SLC1A1: variants seen among roughly 807,000 people sequenced by gnomAD.
The protein encoded by SLC1A1 is solute carrier family 1 member 1, also known as excitatory amino acid transporter 3.
Under a neutral mutation model 53.3 loss-of-function variants are expected in SLC1A1, and 43 were observed. The ratio of observed to expected loss-of-function variants is 0.81; its 90% CI spans 0.63 to 1.04. SLC1A1 has a LOEUF of 1.04. Ranked by LOEUF, SLC1A1 falls within the 50% of genes least tolerant of loss-of-function variation. The pLI, the probability that SLC1A1 is intolerant of heterozygous loss-of-function variation, is 0.00. For synonymous variants in SLC1A1, 307 were observed against 243.2 expected (o/e 1.26, Z -2.44); for missense variants, 748 against 664.9 (o/e 1.12, Z -1.37).
Position 4,564,437 on chromosome 9 carries a change from A to G in SLC1A1, c.419A>G (p.Asp140Gly). 2 of 1,611,724 alleles carry G rather than the reference A, an allele frequency of 1.2e-6. No individual in the cohort carries two copies. The highest frequency in any genetic ancestry group is 1.7e-6 in the Non-Finnish European group (2 of 1,178,254). Residue 140 changes from aspartate (D) to glycine (G), a missense_variant, in exon 4 of 12, where the codon GAT becomes GGT. Asp to Gly is a moderately conservative substitution (Grantham distance 94, BLOSUM62 -1). Transcript: ENST00000262352. ...AGCACCCCTGAAGTCAGTACGGTGG[A>G]TGCCATGTTAGATCTCATCAGGTGA... is the stretch of plus-strand genomic sequence containing the variant. ...TGSTPEVSTV[D>G]AMLDLIRNMF...
intron 1 of SLC1A1, among the ~76,000 whole-genome samples, chr9:4,540,438 A>G (rs979201335): frequency 2.0e-5 from 3 of 152,190 alleles, no homozygotes; most frequent in African/African-American, 7.2e-5. Context: ...TGTCTCATGC[A>G]AAAAGGCAGA....
At chr9:4,521,452 A>G (rs895963210) in intron 1 of SLC1A1, among the ~76,000 whole-genome samples, 1 of 152,176 alleles carries the variant, frequency 6.6e-6, no homozygotes, top group Non-Finnish European at 1.5e-5. Flanking sequence ...CACATCTGGT[A>G]TAGTAGAAAG....
chr9:4,506,252 C>T (rs980531481), intron 1 of SLC1A1, among the ~76,000 whole-genome samples: 6 of 152,182 alleles, frequency 3.9e-5, no homozygotes, highest in Non-Finnish European at 2.9e-5. Flanking sequence ...CCATCATGCC[C>T]GGCCAAATTA....
At chr9:4,561,861 C>T (rs1459121618) in intron 3 of SLC1A1, among the ~76,000 whole-genome samples, 1 of 152,030 alleles carries the variant, frequency 6.6e-6, no homozygotes, top group Non-Finnish European at 1.5e-5. Flanking sequence ...TTTGACAATA[C>T]TACTTTCTGA....
Position 4,583,880 on chromosome 9 carries a change from T to TCTCTCTCTCTCA in SLC1A1, c.1328+711_1328+712insTCTCTCTCACTC. Among the ~76,000 whole-genome samples, 1 of 131,662 alleles carries TCTCTCTCTCTCA rather than the reference T, an allele frequency of 7.6e-6. No homozygotes were observed. The allele number at this position is 131,662 out of a possible 152,430, so 86.4% of individuals were successfully genotyped here. Reference sequence around the variant, plus strand: ...CTCTCTCTCTCTCTCTCTCTCTCTCTCTCACACACACACACACACACACAC... The same window carrying TCTCTCTCTCTCA: ...CTCTCTCTCTCTCTCTCTCTCTCTCTCTCTCTCTCTCACTCACACACACACACACACACACAC... On this transcript the variant is annotated intron_variant, in intron 11 of 11. Transcript: ENST00000262352. This position sits in a 1 kb window ranked among gnomAD's most constrained non-coding sequence, Gnocchi z 4.6.
At chr9:4,572,922 T>C (rs11795172) in intron 7 of SLC1A1, among the ~76,000 whole-genome samples, 1 of 152,238 alleles carries the variant, frequency 6.6e-6, no homozygotes, top group Admixed American at 6.5e-5. Context: ...CTATCAACCA[T>C]TGTCTTTTCC....
chr9:4,542,168 G>GGGAGGGGAAAA (rs58515407), intron 1 of SLC1A1, among the ~76,000 whole-genome samples: 20,596 of 151,868 alleles, frequency 0.14, 1,671 homozygotes, highest in African/African-American at 0.21. Flanking sequence ...GAGAGGGGAG[G>GGGAGGGGAAAA]GGAAAAGGAA....
At chr9:4,564,273 C>G (rs1819269402) in intron 3 of SLC1A1, 71 bp from the exon 4 acceptor site, 3 of 1,029,072 alleles carry the variant, frequency 2.9e-6, no homozygotes, top group Non-Finnish European at 4.5e-6. Context: ...GCCCATTGTT[C>G]TAAAGGTGCC....
At chr9:4,519,360 A>G (rs958737545) in intron 1 of SLC1A1, among the ~76,000 whole-genome samples, 1 of 152,226 alleles carries the variant, frequency 6.6e-6, no homozygotes, top group Admixed American at 6.5e-5. Context: ...TTCTCGAGAT[A>G]CCCTCACTCA....
intron 1 of SLC1A1, among the ~76,000 whole-genome samples, chr9:4,505,972 C>T (rs1021793078): frequency 5.9e-5 from 9 of 152,172 alleles, no homozygotes; most frequent in Non-Finnish European, 1.3e-4. Flanking sequence ...TACAGGTGCC[C>T]ACCACCACGC....
intron 1 of SLC1A1, among the ~76,000 whole-genome samples, chr9:4,528,267 A>T (rs1331238395): frequency 6.6e-6 from 1 of 151,020 alleles, no homozygotes; most frequent in Non-Finnish European, 1.5e-5. Context: ...CTGGAGTTTG[A>T]TTTTATTAAA....
chr9:4,585,515 A>G lies in SLC1A1; in HGVS notation c.1532A>G (p.Asp511Gly), dbSNP rs772517282. ...TATGTCAATGGAGGCTTTGCAGTAG[A>G]CAAGTCTGACACCATCTCATTCACC... ...KSYVNGGFAVDKSDTISFTQT... is the reference protein window; with the variant it reads ...KSYVNGGFAVGKSDTISFTQT... The change falls in exon 12 of 12, where the codon GAC becomes GGC. Residue 511 changes from aspartate (D) to glycine (G), a missense_variant. Coordinates refer to ENST00000262352, the MANE Select transcript of SLC1A1 (RefSeq NM_004170.6). The G allele has an allele frequency of 6.2e-7, 1 of 1,614,248 alleles. No homozygotes were observed. Among genetic ancestry groups the G allele is most frequent in the African/African-American group, 1.3e-5 (1 of 75,068 alleles).
intron 11 of SLC1A1, among the ~76,000 whole-genome samples, chr9:4,585,060 T>G (rs1017609241): frequency 6.6e-6 from 1 of 152,146 alleles, no homozygotes; most frequent in African/African-American, 2.4e-5. Context: ...ACGACTCTAT[T>G]CATGTTTCTT....
rs182658193 is a variant in SLC1A1, at chr9:4,492,131, T to G, written c.91+1361T>G. On this transcript the variant is annotated intron_variant, in intron 1 of 11. Coordinates refer to ENST00000262352, the MANE Select transcript of SLC1A1 (RefSeq NM_004170.6). ...AATCTTGACTATTTCCCCCAAGAAGTGCCAAGTGGTTTTGGAACTTTTTTT... is the reference window on the plus strand; with the variant it reads ...AATCTTGACTATTTCCCCCAAGAAGGGCCAAGTGGTTTTGGAACTTTTTTT... 6.6e-5 allele frequency among the ~76,000 whole-genome samples: 10 copies of G among 152,126 alleles called. No individual in the cohort carries two copies. The East Asian group carries it at 1.9e-3, about 29-fold the overall frequency.
Position 4,490,593 on chromosome 9 carries a change from C to A in SLC1A1, c.-87C>A. 9.1e-7 allele frequency: 1 copy of A among 1,096,824 alleles called. No individual in the cohort carries two copies. The highest frequency in any genetic ancestry group is 1.4e-6 in the Non-Finnish European group (1 of 734,730). 67.9% of individuals were successfully genotyped at this position (1,096,824 alleles called of 1,614,324 possible). A position where few individuals can be genotyped will look rare whatever the true frequency, so the allele number is the denominator to read the frequency against. On this transcript the variant is annotated 5_prime_UTR_variant, in exon 1 of 12. Coordinates refer to ENST00000262352, the MANE Select transcript of SLC1A1 (RefSeq NM_004170.6). ...ACCTCTCCCCTGTGCACCCGCATCT[C>A]GCCGCGCCGCCGAGCAGCCAGCAGT...
rs769107582 is a variant in SLC1A1, at chr9:4,490,636, C to T, written c.-44C>T. 6.4e-7 allele frequency: 1 copy of T among 1,551,916 alleles called. No homozygotes were observed. Among genetic ancestry groups the T allele is most frequent in the East Asian group, 2.3e-5 (1 of 44,178 alleles). ...CCAGCAGTCCCCGGGTCGCCCAGCC[C>T]ACGCGCGCACGGCCGAGCCCAGCGC... On this transcript the variant is annotated 5_prime_UTR_variant, in exon 1 of 12. Transcript: ENST00000262352.
intron 1 of SLC1A1, among the ~76,000 whole-genome samples, chr9:4,528,750 T>C (rs1325329540): frequency 6.6e-6 from 1 of 152,146 alleles, no homozygotes; most frequent in East Asian, 1.9e-4. Context: ...TCAGTCTACA[T>C]TCCGAGTTGG....
At chr9:4,544,810 C>T (rs987310255) in intron 2 of SLC1A1, 103 bp downstream of exon 2, 7 of 998,418 alleles carry the variant, frequency 7.0e-6, no homozygotes, top group African/African-American at 3.2e-5. Context: ...GTTTAATTGA[C>T]TCACAGTTCA....
chr9:4,585,397 C>G lies in SLC1A1; in HGVS notation c.1414C>G (p.Gln472Glu). The change falls in exon 12 of 12, where the codon CAG (glutamine) becomes GAG (glutamate). Residue 472 changes from glutamine to glutamate, a missense_variant. Gln to Glu is a conservative substitution (Grantham distance 29). Transcript: ENST00000262352. ...VEKLSKKELE[Q>E]MDVSSEVNIV... ...AAAGCTCTCCAAGAAGGAGCTGGAG[C>G]AGATGGATGTTTCATCTGAAGTCAA... 1 of 1,614,200 alleles carries G rather than the reference C, an allele frequency of 6.2e-7. No individual in the cohort carries two copies.
Sources: allele counts gnomAD v4.1 joint callset (sites outside exome capture counted in the v4.1 genomes callset), GRCh38; gene constraint gnomAD v4.1.1; non-coding constraint Gnocchi (gnomAD v3.1); transcripts MANE v1.5; gene names NCBI Gene and HGNC (gene_info 2026-07-23, HGNC 2026-07-21).